Variants in HIPK2 observed in about 807,000 individuals in gnomAD.
HIPK2 encodes homeodomain-interacting protein kinase 2.
A neutral mutation model predicts 113.7 loss-of-function variants in HIPK2; 27 were observed. The ratio of observed to expected loss-of-function variants is 0.24; its 90% CI spans 0.17 to 0.33. The LOEUF (loss-of-function observed/expected upper bound fraction) is 0.33, where lower values mean the gene tolerates loss of function less well. HIPK2 is among the 10% of genes least tolerant of loss of function. The pLI, the probability that HIPK2 is intolerant of heterozygous loss-of-function variation, is 1.00. For synonymous variants in HIPK2, 631 were observed against 642.2 expected (o/e 0.98, Z 0.26); for missense variants, 1,257 against 1,588.0 (o/e 0.79, Z 3.54).
Position 139,604,109 on chromosome 7 carries a change from C to A in HIPK2, c.2227G>T (p.Ala743Ser). Reference protein sequence around the residue: ...QHATVIPETMAGTQQLADWRN... With the variant: ...QHATVIPETMSGTQQLADWRN... The stretch of plus-strand genomic sequence containing the variant: ...CAGTCCGCCAGCTGCTGGGTGCCTG[C>A]CATGGTCTCGGGAATCACGGTGGCA... The change falls in exon 10 of 15, where the codon GCA becomes TCA. Residue 743 changes from alanine to serine, a missense_variant. Coordinates refer to ENST00000406875, the MANE Select transcript of HIPK2 (RefSeq NM_022740.5). The A allele has an allele frequency of 6.2e-7, 1 of 1,613,952 alleles. No homozygotes were observed. The highest frequency in any genetic ancestry group is 8.5e-7 in the Non-Finnish European group (1 of 1,179,884).
chr7:139,762,553 G>A (rs192384781), intron 1 of HIPK2, among the ~76,000 whole-genome samples: 6 of 152,226 alleles, frequency 3.9e-5, no homozygotes, highest in African/African-American at 9.6e-5. Flanking sequence ...TTGACAATAC[G>A]GATACACGTG....
intron 13 of HIPK2, among the ~76,000 whole-genome samples, chr7:139,582,659 C>T (rs1798706532): frequency 6.6e-6 from 1 of 152,250 alleles, no homozygotes; most frequent in South Asian, 2.1e-4. Flanking sequence ...GTGATGCTGC[C>T]TTGGGTTAGG....
chr7:139,576,631 G>A (rs1019269354), intron 13 of HIPK2, among the ~76,000 whole-genome samples: 1 of 152,250 alleles, frequency 6.6e-6, no homozygotes, highest in African/African-American at 2.4e-5. Context: ...TGTACCACCA[G>A]GGACGGGGGT....
chr7:139,672,090 A>AT (rs56765309), intron 2 of HIPK2, among the ~76,000 whole-genome samples: 141,481 of 152,266 alleles, frequency 0.93, 65,849 homozygotes, highest in East Asian at 0.98. Flanking sequence ...TTACTCATTC[A>AT]TTGTTCAATA....
chr7:139,590,415 C>T (rs1263906108), intron 12 of HIPK2, among the ~76,000 whole-genome samples: 2 of 152,146 alleles, frequency 1.3e-5, no homozygotes, highest in Admixed American at 1.3e-4. Flanking sequence ...TCAGATATAA[C>T]CTGTGACCCC....
At chr7:139,640,713 A>T (rs1010140284) in intron 2 of HIPK2, among the ~76,000 whole-genome samples, 3 of 151,814 alleles carry the variant, frequency 2.0e-5, no homozygotes, top group African/African-American at 7.3e-5. Flanking sequence ...GCAGTGGCAC[A>T]ATCTTGGTTG....
chr7:139,768,030 A>G (rs942248468), intron 1 of HIPK2, among the ~76,000 whole-genome samples: 1 of 152,186 alleles, frequency 6.6e-6, no homozygotes, highest in African/African-American at 2.4e-5. Flanking sequence ...GCCCTTTCCC[A>G]GGGCCTGTGG....
chr7:139,700,089 C>T lies in HIPK2; in HGVS notation c.1103+15843G>A, dbSNP rs1028423120. On this transcript the variant is annotated intron_variant, in intron 2 of 14. Transcript: ENST00000406875. ...GGACAGGAAAACAAATCCTCAGTGG[C>T]GCTCTCTAGAGGGCAGGACACTTGC... Among the ~76,000 whole-genome samples, 19 of 152,274 alleles carry T rather than the reference C, an allele frequency of 1.2e-4. No individual in the cohort carries two copies. The East Asian group carries it at 3.1e-3, about 25-fold the overall frequency.
At chr7:139,725,173 T>C (rs1205608453) in intron 1 of HIPK2, among the ~76,000 whole-genome samples, 1 of 152,126 alleles carries the variant, frequency 6.6e-6, no homozygotes, top group African/African-American at 2.4e-5. Flanking sequence ...CCAAGTACAA[T>C]GCAAATTAAA....
Position 139,573,115 on chromosome 7 carries a change from G to A in HIPK2, c.3409C>T (p.Pro1137Ser), listed in dbSNP as rs1270666665. 2.5e-6 allele frequency: 4 copies of A among 1,611,788 alleles called. No individual in the cohort carries two copies. Among genetic ancestry groups the A allele is most frequent in the Non-Finnish European group, 3.4e-6 (4 of 1,179,188 alleles). ...GGGACCTGGTGGACGATGCTGGCTG[G>A]GTAGGCAGTGTGCTGCACGGTGTGG... ...ARHTVQHTAY[P>S]ASIVHQVPVS... The change falls in exon 15 of 15, where the codon CCA (proline) becomes TCA (serine). Residue 1137 changes from proline (P) to serine (S), a missense_variant. By Grantham distance (74) the Pro-to-Ser change is moderately conservative. This residue lies in a region of HIPK2 where 862 missense variants were observed against 1,004.3 expected (regional missense o/e 0.86). Coordinates refer to ENST00000406875, the MANE Select transcript of HIPK2 (RefSeq NM_022740.5).
chr7:139,729,515 C>A (rs1002828337), intron 1 of HIPK2, among the ~76,000 whole-genome samples: 1 of 152,190 alleles, frequency 6.6e-6, no homozygotes, highest in African/African-American at 2.4e-5. Flanking sequence ...CAAGTTCAGG[C>A]CACCCCTCTT....
chr7:139,646,263 A>C (rs969822099), intron 2 of HIPK2, among the ~76,000 whole-genome samples: 1 of 152,180 alleles, frequency 6.6e-6, no homozygotes, highest in African/African-American at 2.4e-5. Flanking sequence ...TGGGAAGCCA[A>C]GGCGGGAGGA....
chr7:139,604,314 G>T (rs1799542516), intron 9 of HIPK2, 91 bp from the exon 10 acceptor site: 2 of 1,513,244 alleles, frequency 1.3e-6, no homozygotes, highest in Non-Finnish European at 1.8e-6. Context: ...CTGGGGTTGT[G>T]CTAGACATTC....
At chr7:139,662,993 C>T in intron 2 of HIPK2, among the ~76,000 whole-genome samples, 1 of 152,190 alleles carries the variant, frequency 6.6e-6, no homozygotes, top group East Asian at 1.9e-4. Flanking sequence ...CTCTGACTAT[C>T]AGGGCTCTCC....
chr7:139,569,696 G>A lies in HIPK2; in HGVS notation c.*3231C>T, dbSNP rs1036061320. On this transcript the variant is annotated 3_prime_UTR_variant, in exon 15 of 15. Transcript: ENST00000406875. ...GGATCTTTCTTGACGTCTCTTGTTG[G>A]GATAGAGATGACAGAAACAATTTTC... is the stretch of plus-strand genomic sequence containing the variant. The A allele has an allele frequency of 2.5e-4, 38 of 151,902 alleles. No individual in the cohort carries two copies. The highest frequency in any genetic ancestry group is 8.9e-4 in the African/African-American group (37 of 41,422). The allele number at this position is 151,902 out of a possible 1,614,324, so 9.4% of individuals were successfully genotyped here. A position where few individuals can be genotyped will look rare whatever the true frequency, so the allele number is the denominator to read the frequency against.
chr7:139,638,802 C>T (rs1386910414), intron 2 of HIPK2, among the ~76,000 whole-genome samples: 4 of 151,890 alleles, frequency 2.6e-5, no homozygotes, highest in East Asian at 1.9e-4. Flanking sequence ...GGACTACAGG[C>T]GCCCACCACC....
At chr7:139,599,838 G>T (rs973070609) in intron 11 of HIPK2, among the ~76,000 whole-genome samples, 3 of 152,234 alleles carry the variant, frequency 2.0e-5, no homozygotes, top group African/African-American at 4.8e-5. Context: ...CTTTAGTCAG[G>T]CTTGTGAACC....
chr7:139,710,541 T>G (rs556207618), intron 2 of HIPK2, among the ~76,000 whole-genome samples: 3 of 152,354 alleles, frequency 2.0e-5, no homozygotes, highest in Admixed American at 2.0e-4. Flanking sequence ...TCTTGGCAGT[T>G]GGTTTGTGTT....
chr7:139,775,150 C>T (rs1045578836), intron 1 of HIPK2, among the ~76,000 whole-genome samples: 1 of 152,198 alleles, frequency 6.6e-6, no homozygotes, highest in Non-Finnish European at 1.5e-5. Context: ...GAGCTCAAAA[C>T]CCACAAGGAA....
Sources: allele counts gnomAD v4.1 joint callset (sites outside exome capture counted in the v4.1 genomes callset), GRCh38; gene constraint gnomAD v4.1.1; regional missense constraint gnomAD v4.1.1; transcripts MANE v1.5; gene names NCBI Gene and HGNC (gene_info 2026-07-23, HGNC 2026-07-21).